The following TIAM2 variants were observed in gnomAD, a reference collection of about 807,000 sequenced individuals.
TIAM2 encodes the protein rho guanine nucleotide exchange factor TIAM2.
A neutral mutation model predicts 152.9 loss-of-function variants in TIAM2; 80 were observed. The ratio of observed to expected loss-of-function variants is 0.52; its 90% CI spans 0.44 to 0.63. The LOEUF (loss-of-function observed/expected upper bound fraction) is 0.63. Among genes scored for constraint, TIAM2 ranks in the 30% least tolerant of loss-of-function variants. The probability of loss-of-function intolerance (pLI) is 0.00; values close to 1 mark genes in which losing one functional copy is unlikely to be tolerated. For synonymous variants in TIAM2, 804 were observed against 838.0 expected, an observed-to-expected ratio of 0.96 and a Z score of 0.70; for missense variants, 1,965 against 2,120.1, an observed-to-expected ratio of 0.93 and a Z score of 1.44.
chr6:155,228,240 G>A (rs766979035), intron 15 of TIAM2, among the ~76,000 whole-genome samples: 2 of 152,168 alleles, frequency 1.3e-5, no homozygotes, highest in Non-Finnish European at 2.9e-5. Context: ...TTTTCTGTAG[G>A]ATAGACTTTA....
chr6:155,135,094 G>A (rs1176955676), intron 4 of TIAM2, among the ~76,000 whole-genome samples: 1 of 152,064 alleles, frequency 6.6e-6, no homozygotes, highest in Non-Finnish European at 1.5e-5. Context: ...ACAACAGCTG[G>A]TTTATTTGCT....
Position 155,079,608 on chromosome 6 carries a change from TG to T in TIAM2, c.-208-10679del, listed in dbSNP as rs111865043. Reference sequence around the variant, plus strand: ...GTTCAGATGTTCATCTTGTGAAACTTGGAGCTGACTCTTTATGGATCCTAGC... The same window carrying T: ...GTTCAGATGTTCATCTTGTGAAACTTGAGCTGACTCTTTATGGATCCTAGC... On this transcript the variant is annotated intron_variant, in intron 1 of 26. Coordinates refer to ENST00000682666, the MANE Select transcript of TIAM2 (RefSeq NM_012454.4). Among the ~76,000 whole-genome samples, 31 of 152,320 alleles carry T rather than the reference TG, an allele frequency of 2.0e-4. 3 individuals carry two copies. The highest frequency in any genetic ancestry group is 7.2e-4 in the African/African-American group (30 of 41,584).
chr6:155,235,289 T>C (rs1460089576), intron 15 of TIAM2, among the ~76,000 whole-genome samples: 1 of 152,212 alleles, frequency 6.6e-6, no homozygotes, highest in African/African-American at 2.4e-5. Flanking sequence ...GGAATAGGCA[T>C]TCCTGCTGCC....
chr6:155,187,279 A>G (rs1341739993), intron 14 of TIAM2, among the ~76,000 whole-genome samples: 1 of 152,166 alleles, frequency 6.6e-6, no homozygotes, highest in Non-Finnish European at 1.5e-5. Flanking sequence ...CTATATCTCT[A>G]TATCTAATGA....
At chr6:155,176,518 G>A (rs1780761723) in intron 9 of TIAM2, among the ~76,000 whole-genome samples, 1 of 152,230 alleles carries the variant, frequency 6.6e-6, no homozygotes, top group Non-Finnish European at 1.5e-5. Context: ...ACAGGCGTGA[G>A]CCACCGTTCC....
intron 14 of TIAM2, among the ~76,000 whole-genome samples, chr6:155,194,538 C>T (rs1335223395): frequency 6.6e-6 from 1 of 152,192 alleles, no homozygotes; most frequent in East Asian, 1.9e-4. Flanking sequence ...GCCCTTCCCT[C>T]CCTCAGAGCA....
At chr6:155,250,804 C>T (rs185092303) in intron 21 of TIAM2, 109 bp from the exon 22 acceptor site, 440 of 1,260,032 alleles carry the variant, frequency 3.5e-4, no homozygotes, top group Non-Finnish European at 3.7e-4. Context: ...AAAAATTAAA[C>T]CAGCTGTGCT....
chr6:155,184,290 G>C (rs1780982104), intron 14 of TIAM2, among the ~76,000 whole-genome samples: 1 of 152,144 alleles, frequency 6.6e-6, no homozygotes, highest in Non-Finnish European at 1.5e-5. Context: ...TGCCTGGCCA[G>C]TAAACAGCAA....
intron 3 of TIAM2, among the ~76,000 whole-genome samples, chr6:155,128,155 T>A (rs527986538): frequency 6.6e-6 from 1 of 152,296 alleles, no homozygotes; most frequent in South Asian, 2.1e-4. Flanking sequence ...AATATTAAGT[T>A]TTTCTGATGC....
At chr6:155,052,843 A>T (rs573016140) in intron 1 of TIAM2, among the ~76,000 whole-genome samples, 49 of 152,168 alleles carry the variant, frequency 3.2e-4, no homozygotes, top group African/African-American at 1.2e-3. Context: ...CCTCTCTGCA[A>T]TGTGATTAGC....
At chr6:155,223,888 T>C (rs1782148143) in intron 15 of TIAM2, among the ~76,000 whole-genome samples, 1 of 152,176 alleles carries the variant, frequency 6.6e-6, no homozygotes, top group African/African-American at 2.4e-5. Context: ...TTGTTGTCGT[T>C]CGCCCTTTTT....
At chr6:155,242,901 ATTTT>A (rs527800448) in intron 16 of TIAM2, among the ~76,000 whole-genome samples, 1 of 131,834 alleles carries the variant, frequency 7.6e-6, no homozygotes, top group Non-Finnish European at 1.7e-5. Flanking sequence ...ACACCCAGCT[ATTTT>A]TTTTTTTTCT....
chr6:155,167,695 C>A (rs1470251636), intron 9 of TIAM2, among the ~76,000 whole-genome samples: 1 of 151,946 alleles, frequency 6.6e-6, no homozygotes, highest in African/African-American at 2.4e-5. Context: ...AGTGGTCTCC[C>A]TATGTTGCCC....
At chr6:155,137,656 G>A (rs769558984) in intron 5 of TIAM2, 44 bp downstream of exon 5, 68 of 1,509,928 alleles carry the variant, frequency 4.5e-5, no homozygotes, top group Non-Finnish European at 5.5e-5. Flanking sequence ...GATTGTTTCC[G>A]CCAGCCGTGC....
At chr6:155,116,478 G>GA (rs1275329378) in intron 2 of TIAM2, among the ~76,000 whole-genome samples, 2 of 152,060 alleles carry the variant, frequency 1.3e-5, no homozygotes, top group East Asian at 1.9e-4. Flanking sequence ...TAGATGAGGG[G>GA]AAAAAAATAT....
chr6:155,250,863 T>C, intron 21 of TIAM2, 50 bp from the exon 22 acceptor site: 1 of 1,567,758 alleles, frequency 6.4e-7, no homozygotes, highest in Admixed American at 1.7e-5. Flanking sequence ...CAAGAGATCA[T>C]CTAGCCTGGG....
chr6:155,030,258 A>C (rs1357688022), intron 1 of TIAM2, among the ~76,000 whole-genome samples: 1 of 152,122 alleles, frequency 6.6e-6, no homozygotes, highest in Non-Finnish European at 1.5e-5. Context: ...GGAGAGTTGA[A>C]CATCTTGGAA....
At chr6:155,198,478 C>A (rs983474017) in intron 14 of TIAM2, among the ~76,000 whole-genome samples, 2 of 151,996 alleles carry the variant, frequency 1.3e-5, no homozygotes, top group Admixed American at 6.6e-5. Flanking sequence ...GCCTCACCAA[C>A]ATGGAGAAAC....
intron 1 of TIAM2, among the ~76,000 whole-genome samples, chr6:155,063,739 A>T (rs1436049091): frequency 6.9e-6 from 1 of 145,330 alleles, no homozygotes; most frequent in Admixed American, 7.5e-5. Flanking sequence ...CCAAGATTGC[A>T]TCACTGTACT....
Sources: allele counts gnomAD v4.1 joint callset (sites outside exome capture counted in the v4.1 genomes callset), GRCh38; gene constraint gnomAD v4.1.1; transcripts MANE v1.5; gene names NCBI Gene and HGNC (gene_info 2026-07-23, HGNC 2026-07-21).